The following NSD3 variants were observed in gnomAD, a reference collection of about 807,000 sequenced individuals.
NSD3 encodes nuclear receptor binding SET domain protein 3, also known as histone-lysine N-methyltransferase NSD3.
A neutral mutation model predicts 160.8 loss-of-function variants in NSD3; 24 were observed. The ratio of observed to expected loss-of-function variants is 0.15; its 90% CI spans 0.11 to 0.21. The LOEUF (loss-of-function observed/expected upper bound fraction) is 0.21, where lower values mean the gene tolerates loss of function less well. Ranked by LOEUF, NSD3 falls within the 10% of genes least tolerant of loss-of-function variation. The pLI, the probability that NSD3 is intolerant of heterozygous loss-of-function variation, is 1.00. For synonymous variants in NSD3, 520 were observed against 600.0 expected, an observed-to-expected ratio of 0.87 and a Z score of 1.95; for missense variants, 1,157 against 1,735.9, an observed-to-expected ratio of 0.67 and a Z score of 5.93.
intron 19 of NSD3, among the ~76,000 whole-genome samples, chr8:38,282,979 G>A (rs1007116454): frequency 1.3e-5 from 2 of 152,132 alleles, no homozygotes; most frequent in African/African-American, 2.4e-5. Context: ...TGGATAAATG[G>A]CCAGGAGTGT....
chr8:38,347,433 A>T, intron 2 of NSD3, 64 bp downstream of exon 2: 5 of 1,507,552 alleles, frequency 3.3e-6, no homozygotes, highest in Non-Finnish European at 4.4e-6. Flanking sequence ...AACCAAAAAG[A>T]TCTCTTGAAC....
chr8:38,309,350 C>A (rs1436588515), intron 12 of NSD3, among the ~76,000 whole-genome samples: 1 of 152,078 alleles, frequency 6.6e-6, no homozygotes, highest in Non-Finnish European at 1.5e-5. Context: ...TGCTTGTAAT[C>A]CCAGCTACAC....
chr8:38,357,967 A>T (rs1228376063), intron 1 of NSD3, among the ~76,000 whole-genome samples: 1 of 152,148 alleles, frequency 6.6e-6, no homozygotes, highest in Non-Finnish European at 1.5e-5. Flanking sequence ...TTAGTTCTAG[A>T]CTTAACTTTC....
intron 7 of NSD3, among the ~76,000 whole-genome samples, chr8:38,325,443 A>G (rs1202659363): frequency 6.6e-6 from 1 of 152,258 alleles, no homozygotes; most frequent in Non-Finnish European, 1.5e-5. Flanking sequence ...ACGCTAGTTA[A>G]TACTTAACTC....
chr8:38,296,672 CTCTGTGTGTGTGTGTGTGTGTGTGTG>C (rs1809154839), intron 15 of NSD3, among the ~76,000 whole-genome samples: 2 of 115,814 alleles, frequency 1.7e-5, no homozygotes, highest in African/African-American at 6.3e-5. Flanking sequence ...CTCTCTCTCC[CTCTGTGTGTGTGTGTGTGTGTGTGTG>C]TGTGTGTGTG....
At chr8:38,363,884 C>T (rs945069535) in intron 1 of NSD3, 4 of 152,284 alleles carry the variant, frequency 2.6e-5, no homozygotes, top group African/African-American at 9.6e-5. Flanking sequence ...TGGTTGTCTT[C>T]AGTTTCAGGA....
chr8:38,325,277 T>C (rs1809880870), intron 7 of NSD3, among the ~76,000 whole-genome samples: 2 of 152,286 alleles, frequency 1.3e-5, no homozygotes, highest in Admixed American at 6.5e-5. Context: ...CTGGTCAGTG[T>C]GGGAAAACAA....
In NSD3 at chr8:38,338,565, C is replaced by G; in HGVS notation, c.718G>C (p.Glu240Gln). Residue 240 changes from glutamate to glutamine, a missense_variant, in exon 3 of 24, where the codon GAA becomes CAA. Around this residue, in one of 10 missense-constraint regions of NSD3, gnomAD observed 99 missense variants for 151.8 expected, o/e 0.65. Coordinates refer to ENST00000317025, the MANE Select transcript of NSD3 (RefSeq NM_023034.2). ...RVDTVSEKPR[E>Q]EPVLKEEAPV... ...GCTTCCTCTTTTAGTACTGGTTCTT[C>G]CCTTGGTTTTTCTGATACAGTGTCA... The G allele has an allele frequency of 6.2e-7, 1 of 1,613,868 alleles. No individual in the cohort carries two copies. The highest frequency in any genetic ancestry group is 8.5e-7 in the Non-Finnish European group (1 of 1,179,894).
At chr8:38,375,920 T>C (rs553661128) in intron 1 of NSD3, among the ~76,000 whole-genome samples, 4 of 152,204 alleles carry the variant, frequency 2.6e-5, no homozygotes, top group South Asian at 4.1e-4. Context: ...TTCTGAAGTA[T>C]CTACAACAGA....
chr8:38,337,463 T>C lies in NSD3; in HGVS notation c.752A>G (p.Gln251Arg). 1 of 1,578,036 alleles carries C rather than the reference T, an allele frequency of 6.3e-7. No homozygotes were observed. Among genetic ancestry groups the C allele is most frequent in the South Asian group, 1.2e-5 (1 of 83,242 alleles). ...TGTTGGAACAGAAGATAGTATTGGC[T>C]GAACCTACAGGAAAGGGTCAAAAAA... ...EPVLKEEAPV[Q>R]PILSSVPTTE... Residue 251 changes from glutamine to arginine, a missense_variant, in exon 4 of 24, where the codon CAG (glutamine) becomes CGG (arginine). Coordinates refer to ENST00000317025, the MANE Select transcript of NSD3 (RefSeq NM_023034.2).
chr8:38,281,925 C>G (rs1033332873), intron 19 of NSD3, among the ~76,000 whole-genome samples: 1 of 152,128 alleles, frequency 6.6e-6, no homozygotes, highest in African/African-American at 2.4e-5. Context: ...ATGCAGGTTT[C>G]GGGGTGAGAC....
In NSD3 at chr8:38,278,107, T is replaced by G. The variant is rs541330568; in HGVS notation, c.3867+199A>C. The stretch of plus-strand genomic sequence containing the variant: ...GCACCCATCACCATGCCCAGCTAAT[T>G]TTTTGTATTTTTAGTAGAGATGGGG... On this transcript the variant is annotated intron_variant, in intron 22 of 23. Coordinates refer to ENST00000317025, the MANE Select transcript of NSD3 (RefSeq NM_023034.2). Among the ~76,000 whole-genome samples the G allele has an allele frequency of 2.7e-3, 404 of 151,986 alleles. 2 individuals carry two copies. Among genetic ancestry groups the G allele is most frequent in the African/African-American group, 8.8e-3 (364 of 41,450 alleles).
chr8:38,273,948 C>T lies in NSD3; in HGVS notation c.*1693G>A, dbSNP rs1808542777. On this transcript the variant is annotated 3_prime_UTR_variant, in exon 24 of 24. Transcript: ENST00000317025. ...TCCAGTATAATTGCACATTTACATA[C>T]AAAAAAAAGAGGCACAAAACAGATT... 1 of 151,596 alleles carries T rather than the reference C, an allele frequency of 6.6e-6. No individual in the cohort carries two copies. 9.4% of individuals were successfully genotyped at this position (151,596 alleles called of 1,614,324 possible).
intron 1 of NSD3, among the ~76,000 whole-genome samples, chr8:38,362,430 G>A (rs1299297406): frequency 1.3e-5 from 2 of 151,954 alleles, no homozygotes; most frequent in Non-Finnish European, 1.5e-5. Flanking sequence ...TAAATGTAAC[G>A]TCACTCAGAG....
chr8:38,314,584 C>T, intron 12 of NSD3, 63 bp downstream of exon 12: 1 of 1,603,582 alleles, frequency 6.2e-7, no homozygotes, highest in Non-Finnish European at 8.5e-7. Flanking sequence ...GAGAGGTTGT[C>T]AGTGCACATT....
intron 16 of NSD3, among the ~76,000 whole-genome samples, chr8:38,292,292 T>C (rs910335863): frequency 3.9e-5 from 6 of 152,250 alleles, no homozygotes; most frequent in African/African-American, 1.4e-4. Context: ...AAAATGCCTC[T>C]TCTTGTAATC....
At chr8:38,296,053 A>T (rs55703821) in intron 15 of NSD3, 101 bp from the exon 16 acceptor site, 273,124 of 1,245,656 alleles carry the variant, frequency 0.22, 31,019 homozygotes, top group East Asian at 0.31. Context: ...TTTGTTTCAA[A>T]TTGGGGGAAA....
intron 13 of NSD3, 109 bp from the exon 14 acceptor site, chr8:38,304,866 G>T: frequency 8.5e-7 from 1 of 1,171,718 alleles, no homozygotes; most frequent in Non-Finnish European, 1.2e-6. Context: ...AGTTACAGTA[G>T]ATGGAAAGCA....
intron 2 of NSD3, among the ~76,000 whole-genome samples, chr8:38,342,714 C>A (rs370504743): frequency 6.6e-6 from 1 of 151,744 alleles, no homozygotes; most frequent in Non-Finnish European, 1.5e-5. Flanking sequence ...ATTACAGGCA[C>A]GCGCCACCAC....
Sources: allele counts gnomAD v4.1 joint callset (sites outside exome capture counted in the v4.1 genomes callset), GRCh38; gene constraint gnomAD v4.1.1; regional missense constraint gnomAD v4.1.1; transcripts MANE v1.5; gene names NCBI Gene and HGNC (gene_info 2026-07-23, HGNC 2026-07-21).